Variants in SYN3 observed in about 807,000 individuals in gnomAD.
SYN3 encodes synapsin III, also known as synapsin-3.
In SYN3, 35 loss-of-function variants were observed where a neutral mutation model predicts 65.8. The observed-to-expected ratio is 0.53, with a 90% confidence interval of 0.41 to 0.70. The LOEUF (loss-of-function observed/expected upper bound fraction) is 0.70. SYN3 is among the 30% of genes least tolerant of loss of function. SYN3 has a pLI of 0.00. For synonymous variants in SYN3, 270 were observed against 292.9 expected, an observed-to-expected ratio of 0.92 and a Z score of 0.80; for missense variants, 680 against 749.0, an observed-to-expected ratio of 0.91 and a Z score of 1.08.
chr22:32,595,577 G>A (rs2059187180), intron 7 of SYN3, among the ~76,000 whole-genome samples: 1 of 152,182 alleles, frequency 6.6e-6, no homozygotes, highest in African/African-American at 2.4e-5. Flanking sequence ...GAAGCCAGAT[G>A]TGTTTGCCAT....
chr22:32,929,489 G>A (rs2050569998), intron 4 of SYN3, among the ~76,000 whole-genome samples: 1 of 152,052 alleles, frequency 6.6e-6, no homozygotes, highest in Admixed American at 6.6e-5. Context: ...CTACGTACTA[G>A]CTATTATACA....
chr22:32,627,924 G>C (rs554959632), intron 6 of SYN3, among the ~76,000 whole-genome samples: 71 of 152,290 alleles, frequency 4.7e-4, no homozygotes, highest in Admixed American at 1.7e-3. Context: ...CGCCTCCCGG[G>C]TTCAAGTGAT....
intron 6 of SYN3, among the ~76,000 whole-genome samples, chr22:32,697,817 GC>G (rs1441786512): frequency 6.6e-6 from 1 of 152,134 alleles, no homozygotes; most frequent in African/African-American, 2.4e-5. Flanking sequence ...ACTGACTCTG[GC>G]CAGTGGGATT....
At chr22:32,527,240 C>T (rs981071638) in intron 12 of SYN3, among the ~76,000 whole-genome samples, 10 of 152,234 alleles carry the variant, frequency 6.6e-5, no homozygotes, top group African/African-American at 1.9e-4. Context: ...TAAACACTTC[C>T]TAGGTTTGAA....
intron 6 of SYN3, among the ~76,000 whole-genome samples, chr22:32,714,520 C>T (rs562427653): frequency 6.6e-6 from 1 of 151,876 alleles, no homozygotes; most frequent in South Asian, 2.1e-4. Context: ...CAGCCCATAG[C>T]AGATGACAAG....
intron 6 of SYN3, among the ~76,000 whole-genome samples, chr22:32,740,788 G>T (rs573660454): frequency 6.6e-6 from 1 of 152,288 alleles, no homozygotes; most frequent in East Asian, 1.9e-4. Context: ...CTGCCCAGGA[G>T]GTGGTGAGCT....
intron 6 of SYN3, among the ~76,000 whole-genome samples, chr22:32,856,926 C>T (rs2048385056): frequency 6.6e-6 from 1 of 152,188 alleles, no homozygotes; most frequent in Non-Finnish European, 1.5e-5. Flanking sequence ...CTTTCTGTGC[C>T]TGGCTTATTC....
In SYN3 at chr22:32,801,883, A is replaced by T; in HGVS notation, c.711+63032T>A. On this transcript the variant is annotated intron_variant, in intron 6 of 13. Coordinates refer to ENST00000358763, the MANE Select transcript of SYN3 (RefSeq NM_003490.4). This position sits in a 1 kb window ranked among gnomAD's most constrained non-coding sequence, Gnocchi z 4.7. Reference sequence around the variant, plus strand: ...TCGGAGGGCAGCGCGCCGGAGGCCAAGGTTGCCCCGCACGGCCCGGCGGGC... The same window carrying T: ...TCGGAGGGCAGCGCGCCGGAGGCCATGGTTGCCCCGCACGGCCCGGCGGGC... The T allele has an allele frequency of 1.5e-6, 2 of 1,306,686 alleles. No homozygotes were observed. Among genetic ancestry groups the T allele is most frequent in the Non-Finnish European group, 2.0e-6 (2 of 1,023,498 alleles). The allele number at this position is 1,306,686 out of a possible 1,614,324, so 80.9% of individuals were successfully genotyped here.
intron 1 of SYN3, among the ~76,000 whole-genome samples, chr22:33,054,651 G>A (rs2054226968): frequency 6.6e-6 from 1 of 152,096 alleles, no homozygotes; most frequent in Non-Finnish European, 1.5e-5. Context: ...CACATAAAGG[G>A]AATCATACAC....
intron 6 of SYN3, 38 bp from the exon 7 acceptor site, chr22:32,596,774 G>A: frequency 1.2e-6 from 2 of 1,602,806 alleles, no homozygotes; most frequent in Middle Eastern, 3.3e-4. Flanking sequence ...TAACATCTCA[G>A]AGCATTGCCA....
At chr22:32,583,257 A>C (rs1184734830) in intron 7 of SYN3, 1 of 152,246 alleles carries the variant, frequency 6.6e-6, no homozygotes, top group Admixed American at 6.5e-5. Flanking sequence ...TGCCATGGCC[A>C]CCTGTCGGCA....
chr22:32,647,645 G>A (rs957134710), intron 6 of SYN3, among the ~76,000 whole-genome samples: 1 of 151,598 alleles, frequency 6.6e-6, no homozygotes, highest in Admixed American at 6.6e-5. Context: ...GTCTTGCTCT[G>A]TTGCCCAGGC....
intron 4 of SYN3, among the ~76,000 whole-genome samples, chr22:32,889,565 T>A (rs1378060426): frequency 6.6e-6 from 1 of 152,248 alleles, no homozygotes; most frequent in Non-Finnish European, 1.5e-5. Flanking sequence ...AGATAATGTT[T>A]ACACGTCAAT....
rs761523742 is a variant in SYN3, at chr22:32,859,135, T to C, written c.711+5780A>G. 11 of 1,608,188 alleles carry C rather than the reference T, an allele frequency of 6.8e-6. No individual in the cohort carries two copies. The South Asian group carries it at 9.9e-5, about 14-fold the overall frequency. On this transcript the variant is annotated intron_variant, in intron 6 of 13. Transcript: ENST00000358763. ...GGCTCGGTAGCCTCAGGCCTGGGCATACCATGGCAGAGTCCATCAACTGCT... is the reference window on the plus strand; with the variant it reads ...GGCTCGGTAGCCTCAGGCCTGGGCACACCATGGCAGAGTCCATCAACTGCT...
At chr22:32,637,416 T>C (rs1174761369) in intron 6 of SYN3, among the ~76,000 whole-genome samples, 1 of 152,210 alleles carries the variant, frequency 6.6e-6, no homozygotes, top group African/African-American at 2.4e-5. Context: ...GTGGTGGATA[T>C]GTCAGGTATT....
At chr22:32,632,802 T>C (rs2059763687) in intron 6 of SYN3, among the ~76,000 whole-genome samples, 1 of 152,210 alleles carries the variant, frequency 6.6e-6, no homozygotes, top group Non-Finnish European at 1.5e-5. Context: ...GCCACTTCAC[T>C]GTGTTTTCTT....
intron 1 of SYN3, among the ~76,000 whole-genome samples, chr22:33,034,906 A>G (rs1258954633): frequency 2.6e-5 from 4 of 152,054 alleles, no homozygotes; most frequent in African/African-American, 9.7e-5. Context: ...TCCTGGTGCC[A>G]AGATCAATAG....
chr22:32,769,755 G>T (rs1444863805), intron 6 of SYN3, among the ~76,000 whole-genome samples: 1 of 152,026 alleles, frequency 6.6e-6, no homozygotes, highest in Non-Finnish European at 1.5e-5. Flanking sequence ...GACCTCAGAT[G>T]ATCCGCCTGT....
chr22:32,802,784 G>A (rs1030415447), intron 6 of SYN3, among the ~76,000 whole-genome samples: 4 of 152,202 alleles, frequency 2.6e-5, no homozygotes, highest in South Asian at 2.1e-4. Context: ...CAGAAGGTGC[G>A]AGGGGTCACT....
Sources: gnomAD v4.1 joint callset for allele counts (sites outside exome capture counted in the v4.1 genomes callset) on GRCh38, gnomAD v4.1.1 for gene constraint, Gnocchi (gnomAD v3.1) non-coding constraint, MANE v1.5 for transcripts, NCBI Gene and HGNC (gene_info 2026-07-23, HGNC 2026-07-21) for gene names.